MYO3B: variants seen among roughly 807,000 people sequenced by gnomAD.
MYO3B encodes the protein myosin-IIIb.
In MYO3B, 156 loss-of-function variants were observed where a neutral mutation model predicts 174.6. The ratio of observed to expected loss-of-function variants is 0.89; its 90% confidence interval spans 0.78 to 1.02. The LOEUF (loss-of-function observed/expected upper bound fraction) is 1.02, where lower values mean the gene tolerates loss of function less well. MYO3B is among the 50% of genes least tolerant of loss of function. MYO3B has a pLI of 0.00. For missense variants in MYO3B, 1,632 were observed against 1,639.4 expected, an observed-to-expected ratio of 1.00 and a Z score of 0.08; for synonymous variants, 563 against 569.1, an observed-to-expected ratio of 0.99 and a Z score of 0.15.
chr2:170,603,590 CAGT>C (rs1197252326), intron 32 of MYO3B, among the ~76,000 whole-genome samples: 1 of 151,980 alleles, frequency 6.6e-6, no homozygotes, highest in African/African-American at 2.4e-5. Context: ...AACAGGAAAA[CAGT>C]AGTTATTCCC....
intron 32 of MYO3B, among the ~76,000 whole-genome samples, chr2:170,649,367 TA>T (rs1381835752): frequency 3.4e-5 from 2 of 58,076 alleles, no homozygotes; most frequent in Non-Finnish European, 6.1e-5. Flanking sequence ...ATATATTATA[TA>T]AAAATATAAA....
intron 7 of MYO3B, among the ~76,000 whole-genome samples, chr2:170,263,003 A>G (rs954452557): frequency 6.6e-6 from 1 of 152,192 alleles, no homozygotes; most frequent in African/African-American, 2.4e-5. Context: ...TCATTAAATG[A>G]CTTGAAGGAT....
chr2:170,585,584 C>T (rs1157299262), intron 32 of MYO3B, among the ~76,000 whole-genome samples: 4 of 152,096 alleles, frequency 2.6e-5, no homozygotes, highest in African/African-American at 7.2e-5. Context: ...TTGGCCTGGC[C>T]CCCTTGTGAG....
chr2:170,265,423 C>T (rs924450674), intron 7 of MYO3B, among the ~76,000 whole-genome samples: 1 of 152,200 alleles, frequency 6.6e-6, no homozygotes, highest in African/African-American at 2.4e-5. Flanking sequence ...GTAATTATAG[C>T]ATGGCTGGGG....
chr2:170,554,773 G>A (rs1397002412), intron 32 of MYO3B, among the ~76,000 whole-genome samples: 1 of 152,236 alleles, frequency 6.6e-6, no homozygotes, highest in Non-Finnish European at 1.5e-5. Flanking sequence ...GACATCAGGA[G>A]TGCAGATGCC....
intron 6 of MYO3B, among the ~76,000 whole-genome samples, chr2:170,230,162 G>GT (rs113510120): frequency 0.015 from 1,995 of 137,282 alleles, 54 homozygotes; most frequent in African/African-American, 0.047. Context: ...TGGGGACCTA[G>GT]TTTTTTTTTT....
chr2:170,314,021 G>A (rs1181463458), intron 7 of MYO3B, among the ~76,000 whole-genome samples: 1 of 152,170 alleles, frequency 6.6e-6, no homozygotes, highest in East Asian at 1.9e-4. Flanking sequence ...AGGCTGACAA[G>A]TAAGAGGGGG....
intron 5 of MYO3B, among the ~76,000 whole-genome samples, chr2:170,216,126 A>AGTGAACACAACC (rs2092825543): frequency 6.6e-6 from 1 of 152,038 alleles, no homozygotes; most frequent in Admixed American, 6.6e-5. Context: ...GAATGTCCGC[A>AGTGAACACAACC]GTCATCCCCC....
At chr2:170,542,791 C>G in intron 30 of MYO3B, 115 bp from the exon 31 acceptor site, 2 of 785,206 alleles carry the variant, frequency 2.5e-6, no homozygotes, top group Non-Finnish European at 3.9e-6. Flanking sequence ...AATGGGAAAC[C>G]ATGGAAGCAT....
chr2:170,228,277 T>C (rs2092974005), intron 6 of MYO3B, among the ~76,000 whole-genome samples: 1 of 152,184 alleles, frequency 6.6e-6, no homozygotes, highest in African/African-American at 2.4e-5. Context: ...GAACCAACTG[T>C]GTGATTTCAG....
chr2:170,523,608 C>A (rs919637003), intron 30 of MYO3B, among the ~76,000 whole-genome samples: 26 of 152,156 alleles, frequency 1.7e-4, no homozygotes, highest in African/African-American at 6.0e-4. Flanking sequence ...AGTTCCAGGG[C>A]TCGGTCAGCC....
chr2:170,645,508 G>C (rs1489058066), intron 32 of MYO3B, among the ~76,000 whole-genome samples: 1 of 148,052 alleles, frequency 6.8e-6, no homozygotes, highest in African/African-American at 2.5e-5. Flanking sequence ...GTTCAAACTT[G>C]AGTTGCCCAG....
intron 7 of MYO3B, among the ~76,000 whole-genome samples, chr2:170,268,258 A>T (rs569315165): frequency 1.9e-4 from 29 of 152,244 alleles, no homozygotes; most frequent in Non-Finnish European, 3.2e-4. Flanking sequence ...AAAAGGGCAA[A>T]CTCCACTAAA....
intron 32 of MYO3B, among the ~76,000 whole-genome samples, chr2:170,546,734 C>T (rs7557306): frequency 6.6e-6 from 1 of 152,204 alleles, no homozygotes; most frequent in African/African-American, 2.4e-5. Flanking sequence ...CAAATTATAC[C>T]TTTGTGTTTC....
At position 170,646,211 on chromosome 2, in the gene MYO3B, C is replaced by T. The variant is rs563782797; in HGVS notation, c.3734-5417C>T. Among the ~76,000 whole-genome samples, 5 of 149,668 alleles carry T rather than the reference C, an allele frequency of 3.3e-5. No homozygotes were observed. The South Asian group carries it at 6.4e-4, about 19-fold the overall frequency. Reference sequence around the variant, plus strand: ...GCTTGAACCTGGGAGGCGGAGGTTGCGGTGAGCCGAGATCACGCCATCGCA... The same window carrying T: ...GCTTGAACCTGGGAGGCGGAGGTTGTGGTGAGCCGAGATCACGCCATCGCA... On this transcript the variant is annotated intron_variant, in intron 32 of 34. Coordinates refer to ENST00000408978, the MANE Select transcript of MYO3B (RefSeq NM_138995.5).
At chr2:170,611,429 T>G (rs1695121718) in intron 32 of MYO3B, among the ~76,000 whole-genome samples, 1 of 152,170 alleles carries the variant, frequency 6.6e-6, no homozygotes, top group African/African-American at 2.4e-5. Context: ...GAATAACACT[T>G]ATTGCAGCAA....
chr2:170,453,100 T>A (rs1471524100), intron 23 of MYO3B, among the ~76,000 whole-genome samples: 1 of 152,062 alleles, frequency 6.6e-6, no homozygotes, highest in Non-Finnish European at 1.5e-5. Flanking sequence ...AAATAAAGTA[T>A]CCCCACATGG....
rs1486235774 is a variant in MYO3B, at chr2:170,478,632, G to A, written c.3014+11921G>A. ...CACCCAGGCTGGAGTACAGTAATGCGATCTCAGCTCACTACAACCTCCGCC... is the reference window on the plus strand; with the variant it reads ...CACCCAGGCTGGAGTACAGTAATGCAATCTCAGCTCACTACAACCTCCGCC... On this transcript the variant is annotated intron_variant, in intron 25 of 34. Coordinates refer to ENST00000408978, the MANE Select transcript of MYO3B (RefSeq NM_138995.5). Among the ~76,000 whole-genome samples, 4 of 145,000 alleles carry A rather than the reference G, an allele frequency of 2.8e-5. No homozygotes were observed. In the East Asian group the frequency reaches 8.4e-4, roughly 30 times the overall value.
At chr2:170,369,443 A>G in intron 9 of MYO3B, 66 bp downstream of exon 9, 1 of 1,535,400 alleles carries the variant, frequency 6.5e-7, no homozygotes, top group Non-Finnish European at 8.9e-7. Flanking sequence ...ATGTGTTTTG[A>G]TTTGCCCAGC....
Sources: allele counts gnomAD v4.1 joint callset (sites outside exome capture counted in the v4.1 genomes callset), GRCh38; gene constraint gnomAD v4.1.1; transcripts MANE v1.5; gene names NCBI Gene and HGNC (gene_info 2026-07-23, HGNC 2026-07-21).